Variants in G2E3 observed in about 807,000 individuals in gnomAD.
The protein encoded by G2E3 is G2/M phase-specific E3 ubiquitin-protein ligase.
A neutral mutation model predicts 92.8 loss-of-function variants in G2E3; 35 were observed. The ratio of observed to expected loss-of-function variants is 0.38; its 90% CI spans 0.29 to 0.50. The LOEUF (loss-of-function observed/expected upper bound fraction) is 0.50, where lower values mean the gene tolerates loss of function less well. G2E3 is among the 20% of genes least tolerant of loss of function. G2E3 has a pLI of 0.94. For missense variants in G2E3, 554 were observed against 823.8 expected (o/e 0.67, Z 4.01); for synonymous variants, 242 against 272.4 (o/e 0.89, Z 1.10).
intron 3 of G2E3, 43 bp downstream of exon 3, chr14:30,586,858 A>G (rs1390590743): frequency 4.7e-6 from 3 of 641,054 alleles, no homozygotes; most frequent in Middle Eastern, 2.8e-4. Context: ...TTGGTGTTCT[A>G]AAGAAGATAG....
rs1335299911 is a variant in G2E3, at chr14:30,617,386, A to C, written c.*852A>C. 6.6e-6 allele frequency: 1 copy of C among 151,978 alleles called. No homozygotes were observed. Among genetic ancestry groups the C allele is most frequent in the Admixed American group, 6.6e-5 (1 of 15,258 alleles). The allele number at this position is 151,978 out of a possible 1,614,324, so 9.4% of individuals were successfully genotyped here. A position where few individuals can be genotyped will look rare whatever the true frequency, so the allele number is the denominator to read the frequency against. ...GTGTCTTCTTTAAAGCCTTGGCTTT[A>C]ATCATGGGAAATTGTTGTTGTTGTT... On this transcript the variant is annotated 3_prime_UTR_variant, in exon 15 of 15. Transcript: ENST00000206595.
intron 14 of G2E3, among the ~76,000 whole-genome samples, 154 bp downstream of exon 14, chr14:30,615,693 A>T (rs1882282206): frequency 6.6e-6 from 1 of 152,222 alleles, no homozygotes; most frequent in Admixed American, 6.5e-5. Context: ...AAGCAAGTTT[A>T]TATGACTGAA....
At chr14:30,600,311 C>T (rs1173095109) in intron 8 of G2E3, among the ~76,000 whole-genome samples, 1 of 152,112 alleles carries the variant, frequency 6.6e-6, no homozygotes, top group Non-Finnish European at 1.5e-5. Context: ...TAGGGGTTCC[C>T]TTCATTGTGC....
intron 4 of G2E3, among the ~76,000 whole-genome samples, chr14:30,591,870 A>G (rs1453470271): frequency 2.0e-5 from 3 of 152,158 alleles, no homozygotes; most frequent in African/African-American, 7.2e-5. Flanking sequence ...AGGTGTCTCA[A>G]CACTTTTTCA....
intron 13 of G2E3, among the ~76,000 whole-genome samples, chr14:30,614,342 A>C (rs146979921): frequency 6.6e-6 from 1 of 152,226 alleles, no homozygotes; most frequent in African/African-American, 2.4e-5. Flanking sequence ...GAGGCTGGGA[A>C]GTCCAAAGGC....
chr14:30,584,254 T>C (rs1032851517), intron 2 of G2E3, among the ~76,000 whole-genome samples: 4 of 152,230 alleles, frequency 2.6e-5, no homozygotes, highest in Admixed American at 1.3e-4. Flanking sequence ...GGGCATACCA[T>C]ATTTTGTTTA....
intron 1 of G2E3, among the ~76,000 whole-genome samples, chr14:30,567,594 G>A (rs1356238511): frequency 1.3e-5 from 2 of 151,474 alleles, no homozygotes; most frequent in Non-Finnish European, 2.9e-5. Context: ...ATCTTCTCAA[G>A]CAATTTTTAT....
Position 30,618,504 on chromosome 14 carries a change from C to T in G2E3, c.*1970C>T, listed in dbSNP as rs567913327. Reference sequence around the variant, plus strand: ...AAGCTGATTAAGTCACACACACATACTTTGTTGGGGTGGGGGTGGCAGGTG... The same window carrying T: ...AAGCTGATTAAGTCACACACACATATTTTGTTGGGGTGGGGGTGGCAGGTG... On this transcript the variant is annotated 3_prime_UTR_variant, in exon 15 of 15. Transcript: ENST00000206595. 52 of 152,094 alleles carry T rather than the reference C, an allele frequency of 3.4e-4. No homozygotes were observed. The highest frequency in any genetic ancestry group is 9.2e-4 in the African/African-American group (38 of 41,522). The allele number at this position is 152,094 out of a possible 1,614,324, so 9.4% of individuals were successfully genotyped here.
intron 5 of G2E3, 36 bp from the exon 6 acceptor site, chr14:30,593,438 T>G (rs774593357): frequency 7.2e-6 from 8 of 1,116,788 alleles, no homozygotes; most frequent in Non-Finnish European, 1.0e-5. Flanking sequence ...TGCTTTGCAG[T>G]TCATGAGATT....
At chr14:30,598,382 G>A (rs1013517153) in intron 7 of G2E3, 101 bp from the exon 8 acceptor site, 18 of 768,402 alleles carry the variant, frequency 2.3e-5, no homozygotes, top group Admixed American at 8.3e-5. Flanking sequence ...GCAAGACTGC[G>A]TCTCAAGAAC....
rs1881123162 is a variant in G2E3, at chr14:30,593,555, G to C, written c.444G>C (p.Leu148Phe). The C allele has an allele frequency of 1.9e-6, 3 of 1,591,692 alleles. No homozygotes were observed. Among genetic ancestry groups the C allele is most frequent in the Non-Finnish European group, 2.6e-6 (3 of 1,160,408 alleles). ...AGTCCTTACCATGCACCATTTGCTT[G>C]GAATTTATTGAGCCTATTCCAAGTT... Reference protein sequence around the residue: ...YRESLPCTICLEFIEPIPSYN... With the variant: ...YRESLPCTICFEFIEPIPSYN... Residue 148 changes from leucine to phenylalanine, a missense_variant, in exon 6 of 15, where the codon TTG (leucine) becomes TTC (phenylalanine). Coordinates refer to ENST00000206595, the MANE Select transcript of G2E3 (RefSeq NM_017769.5).
intron 3 of G2E3, 91 bp downstream of exon 3, chr14:30,586,906 C>A: frequency 2.3e-6 from 1 of 441,330 alleles, no homozygotes; most frequent in South Asian, 6.7e-5. Context: ...TTGGATAAGT[C>A]ATTTAACTTC....
chr14:30,569,093 A>G lies in G2E3; in HGVS notation c.-5+9821A>G, dbSNP rs553290527. On this transcript the variant is annotated intron_variant, in intron 1 of 14. Transcript: ENST00000206595. ...AACTTTTTATTGAGGTATAATATAT[A>G]TGCCAAATATATTTTAAGTACATAA... Among the ~76,000 whole-genome samples the G allele has an allele frequency of 2.6e-5, 4 of 152,308 alleles. No homozygotes were observed. In the South Asian group the frequency reaches 6.2e-4, roughly 24 times the overall value.
intron 13 of G2E3, among the ~76,000 whole-genome samples, chr14:30,612,629 A>G (rs937302134): frequency 1.3e-5 from 2 of 152,238 alleles, no homozygotes; most frequent in African/African-American, 2.4e-5. Flanking sequence ...AGGCTGGGGC[A>G]GGCAGATCAT....
At chr14:30,573,341 A>C (rs1372909151) in intron 1 of G2E3, among the ~76,000 whole-genome samples, 1 of 152,056 alleles carries the variant, frequency 6.6e-6, no homozygotes, top group Non-Finnish European at 1.5e-5. Context: ...AAAGTGTATT[A>C]ACTATCTATC....
At chr14:30,611,024 A>T (rs2073613883) in intron 12 of G2E3, among the ~76,000 whole-genome samples, 1 of 152,252 alleles carries the variant, frequency 6.6e-6, no homozygotes, top group African/African-American at 2.4e-5. Flanking sequence ...GTGATTTACA[A>T]AACCGTCTAA....
chr14:30,562,626 A>T (rs1249233609), intron 1 of G2E3, among the ~76,000 whole-genome samples: 1 of 151,916 alleles, frequency 6.6e-6, no homozygotes, highest in Non-Finnish European at 1.5e-5. Context: ...GAGTTTAGAG[A>T]AGACTCTACT....
At chr14:30,608,699 C>T (rs1371739612) in intron 12 of G2E3, among the ~76,000 whole-genome samples, 1 of 152,252 alleles carries the variant, frequency 6.6e-6, no homozygotes, top group Admixed American at 6.5e-5. Context: ...TCATTGCCAA[C>T]ATGTTACTGC....
intron 10 of G2E3, 58 bp downstream of exon 10, chr14:30,602,189 G>A: frequency 7.5e-7 from 1 of 1,327,872 alleles, no homozygotes; most frequent in South Asian, 1.3e-5. Flanking sequence ...ATTATGATAG[G>A]AAATGCCATA....
Sources: allele counts gnomAD v4.1 joint callset (sites outside exome capture counted in the v4.1 genomes callset), GRCh38; gene constraint gnomAD v4.1.1; transcripts MANE v1.5; gene names NCBI Gene and HGNC (gene_info 2026-07-23, HGNC 2026-07-21).